Variants in LAMB1 observed in about 807,000 individuals in gnomAD.
LAMB1 encodes the protein laminin subunit beta-1.
A neutral mutation model predicts 222.3 loss-of-function variants in LAMB1; 121 were observed. The ratio of observed to expected loss-of-function variants is 0.54; its 90% CI spans 0.47 to 0.63. The LOEUF is 0.63. Among genes scored for constraint, LAMB1 ranks in the 30% least tolerant of loss-of-function variants. LAMB1 has a pLI of 0.00. For synonymous variants in LAMB1, 794 were observed against 807.2 expected, an observed-to-expected ratio of 0.98 and a Z score of 0.28; for missense variants, 2,172 against 2,240.8, an observed-to-expected ratio of 0.97 and a Z score of 0.62.
intron 12 of LAMB1, among the ~76,000 whole-genome samples, chr7:107,974,722 A>G (rs1272084368): frequency 3.3e-5 from 5 of 152,214 alleles, no homozygotes; most frequent in African/African-American, 1.2e-4. Context: ...TCCTAATAGT[A>G]AACATTCCCA....
chr7:107,924,097 G>GATT lies in LAMB1; in HGVS notation c.5225-11_5225-10insAAT, dbSNP rs2032496223. ...TATTTTCTTTCTAAATCTGTGGGGA[G>GATT]ATATATATATATAAAGTCTGAGCAA... On this transcript the variant is annotated splice_polypyrimidine_tract_variant and intron_variant, in intron 33 of 33. Coordinates refer to ENST00000222399, the MANE Select transcript of LAMB1 (RefSeq NM_002291.3). 1 of 1,435,298 alleles carries GATT rather than the reference G, an allele frequency of 7.0e-7. No homozygotes were observed. The highest frequency in any genetic ancestry group is 9.3e-7 in the Non-Finnish European group (1 of 1,071,764). The allele number at this position is 1,435,298 out of a possible 1,614,324, so 88.9% of individuals were successfully genotyped here.
intron 13 of LAMB1, among the ~76,000 whole-genome samples, chr7:107,968,182 C>CA (rs1304257825): frequency 6.6e-6 from 1 of 152,180 alleles, no homozygotes; most frequent in Non-Finnish European, 1.5e-5. Flanking sequence ...AACTCAAGCA[C>CA]AAATCCTGGC....
chr7:108,002,870 A>G lies in LAMB1; in HGVS notation c.16T>C (p.Leu6=). 1 of 1,614,152 alleles carries G rather than the reference A, an allele frequency of 6.2e-7. No homozygotes were observed. The highest frequency in any genetic ancestry group is 1.3e-5 in the African/African-American group (1 of 75,078). MGLLQ[L]LAFSFLALCR... ...TTACCTAAGAAACTGAAAGCTAGCA[A>G]CTGGAGAAGCCCCATGCCGGCTCCC... is the stretch of plus-strand genomic sequence containing the variant. Residue 6 remains leucine (L), a synonymous_variant, in exon 2 of 34, where the codon TTG becomes CTG. Transcript: ENST00000222399.
chr7:107,960,179 A>T (rs541407578), intron 18 of LAMB1, among the ~76,000 whole-genome samples: 1 of 151,926 alleles, frequency 6.6e-6, no homozygotes, highest in African/African-American at 2.4e-5. Context: ...CCCTCTCCCT[A>T]CCCTGCTTAT....
chr7:107,980,929 C>A, intron 7 of LAMB1, 118 bp from the exon 8 acceptor site: 1 of 630,848 alleles, frequency 1.6e-6, no homozygotes, highest in Admixed American at 2.8e-5. Context: ...GCTTAAGTTC[C>A]TCCTCTTGTA....
At chr7:107,979,708 A>G (rs1410181611) in intron 8 of LAMB1, among the ~76,000 whole-genome samples, 1 of 152,258 alleles carries the variant, frequency 6.6e-6, no homozygotes, top group African/African-American at 2.4e-5. Flanking sequence ...GAATGGAATT[A>G]GGAGGAAAAG....
At chr7:107,928,990 G>C (rs1342856601) in intron 31 of LAMB1, 74 bp downstream of exon 31, 1 of 1,385,616 alleles carries the variant, frequency 7.2e-7, no homozygotes, top group African/African-American at 1.4e-5. Flanking sequence ...TCTGTTCATA[G>C]ATAACAAATG....
intron 20 of LAMB1, among the ~76,000 whole-genome samples, chr7:107,957,497 G>A (rs1156810461): frequency 6.6e-6 from 1 of 152,218 alleles, no homozygotes; most frequent in Non-Finnish European, 1.5e-5. Flanking sequence ...GCAGTGAGCT[G>A]AGATTGCACC....
chr7:108,003,099 T>C lies in LAMB1; in HGVS notation c.-87+12A>G, dbSNP rs981521684. The C allele has an allele frequency of 4.7e-6, 5 of 1,070,346 alleles. No individual in the cohort carries two copies. In the African/African-American group the frequency reaches 8.1e-5, roughly 17 times the overall value. 66.3% of individuals were successfully genotyped at this position (1,070,346 alleles called of 1,614,324 possible). A position where few individuals can be genotyped will look rare whatever the true frequency, so the allele number is the denominator to read the frequency against. ...AGTGGGGAAAATCGTGCAGCCACTT[T>C]GTTCTCCTCACCCGGCGACGCGAGC... On this transcript the variant is annotated intron_variant, in intron 1 of 33. Coordinates refer to ENST00000222399, the MANE Select transcript of LAMB1 (RefSeq NM_002291.3).
rs1488007766 is a variant in LAMB1 at position 107,980,640 on chromosome 7, A to G, written c.848T>C (p.Val283Ala). The G allele has an allele frequency of 6.2e-7, 1 of 1,614,006 alleles. No homozygotes were observed. The highest frequency in any genetic ancestry group is 8.5e-7 in the Non-Finnish European group (1 of 1,180,016). ...CYGHASECAP[V>A]DGFNEEVEGM... ...TTCCACTTCTTCATTGAATCCATCCACAGGGGCACATTCGCTGGCATGACC... is the reference window on the plus strand; with the variant it reads ...TTCCACTTCTTCATTGAATCCATCCGCAGGGGCACATTCGCTGGCATGACC... The change falls in exon 8 of 34, where the codon GTG becomes GCG. Residue 283 changes from valine to alanine, a missense_variant. Coordinates refer to ENST00000222399, the MANE Select transcript of LAMB1 (RefSeq NM_002291.3).
chr7:107,980,584 A>C (rs1453839663), intron 8 of LAMB1, 25 bp downstream of exon 8: 1 of 1,576,694 alleles, frequency 6.3e-7, no homozygotes, highest in African/African-American at 1.3e-5. Context: ...CATAAAGGAG[A>C]AAGGTGCACA....
intron 4 of LAMB1, among the ~76,000 whole-genome samples, chr7:107,996,299 T>C (rs1649525003): frequency 6.6e-6 from 1 of 152,216 alleles, no homozygotes; most frequent in Admixed American, 6.5e-5. Flanking sequence ...ACAGGCTTTT[T>C]TTTATATGGG....
intron 29 of LAMB1, chr7:107,929,911 G>T (rs944304488): frequency 2.4e-6 from 1 of 415,084 alleles, no homozygotes; most frequent in Non-Finnish European, 4.4e-6. Flanking sequence ...AGGGATAATA[G>T]AATTTGAAAG....
At chr7:107,962,707 CAAAAAAAAAAAA>C (rs57580761) in intron 15 of LAMB1, among the ~76,000 whole-genome samples, 186 bp downstream of exon 15, 4 of 98,696 alleles carry the variant, frequency 4.1e-5, no homozygotes, top group African/African-American at 1.4e-4. Flanking sequence ...GAGCGAGACT[CAAAAAAAAAAAA>C]AAAAAAGAAA....
rs190652962 is a variant in LAMB1, at chr7:107,985,983, A to G, written c.676+39T>C. ...AAAAAACAAAACAAAACAAACAAAC[A>G]AACTAACAAAAAACACTTTTGTTTG... On this transcript the variant is annotated intron_variant, in intron 7 of 33. Transcript: ENST00000222399. 8 of 1,475,940 alleles carry G rather than the reference A, an allele frequency of 5.4e-6. 1 individual carries two copies. Among genetic ancestry groups the G allele is most frequent in the Non-Finnish European group, 6.6e-6 (7 of 1,058,744 alleles). 91.4% of individuals were successfully genotyped at this position (1,475,940 alleles called of 1,614,324 possible). A position where few individuals can be genotyped will look rare whatever the true frequency, so the allele number is the denominator to read the frequency against.
rs143913166 is a variant in LAMB1 at position 107,989,289 on chromosome 7, A to C, written c.424-2926T>G. 1.5e-3 allele frequency among the ~76,000 whole-genome samples: 236 copies of C among 152,358 alleles called. 1 individual carries two copies. The highest frequency in any genetic ancestry group is 5.5e-3 in the African/African-American group (228 of 41,584). On this transcript the variant is annotated intron_variant, in intron 5 of 33. Transcript: ENST00000222399. ...GATGCATTTTGGGGAATTGGAAGTC[A>C]GATTACAAGGGAAAAAGATCAAAGG... is the stretch of plus-strand genomic sequence containing the variant.
chr7:108,002,512 G>T, intron 2 of LAMB1: 2 of 1,088,306 alleles, frequency 1.8e-6, no homozygotes, highest in Non-Finnish European at 2.5e-6. Flanking sequence ...AGCCCTCCTC[G>T]GTCAGCACCG....
chr7:107,932,715 C>T (rs1256227274), intron 27 of LAMB1: 1 of 304,238 alleles, frequency 3.3e-6, no homozygotes, highest in African/African-American at 2.1e-5. Flanking sequence ...TCCTTTTTTT[C>T]TAACCAGTTA....
intron 32 of LAMB1, among the ~76,000 whole-genome samples, chr7:107,924,796 A>T (rs560041122): frequency 6.6e-5 from 10 of 152,324 alleles, no homozygotes; most frequent in African/African-American, 2.4e-4. Flanking sequence ...ACTTGCTTAT[A>T]AGGAAATCAG....
Sources: gnomAD v4.1 joint callset for allele counts (sites outside exome capture counted in the v4.1 genomes callset) on GRCh38, gnomAD v4.1.1 for gene constraint, MANE v1.5 for transcripts, NCBI Gene and HGNC (gene_info 2026-07-23, HGNC 2026-07-21) for gene names.